L3MBTL2: variants seen among roughly 807,000 people sequenced by gnomAD.
L3MBTL2 encodes the protein lethal(3)malignant brain tumor-like protein 2.
In L3MBTL2, 49 loss-of-function variants were observed where a neutral mutation model predicts 86.4. That is an observed-to-expected ratio of 0.57 (90% CI 0.45 to 0.72). The LOEUF (loss-of-function observed/expected upper bound fraction) is 0.72, where lower values mean the gene tolerates loss of function less well. L3MBTL2 is among the 30% of genes least tolerant of loss of function. The pLI, the probability that L3MBTL2 is intolerant of heterozygous loss-of-function variation, is 0.00. For synonymous variants in L3MBTL2, 336 were observed against 350.6 expected, an observed-to-expected ratio of 0.96 and a Z score of 0.47; for missense variants, 755 against 923.7, an observed-to-expected ratio of 0.82 and a Z score of 2.37.
In L3MBTL2 at chr22:41,209,919, G is replaced by A. The variant is rs1335050767; in HGVS notation, c.248G>A (p.Ser83Asn). ...SPGTPRSLDGSGSEPAVCEMC... is the reference protein window; with the variant it reads ...SPGTPRSLDGNGSEPAVCEMC... ...GGGACTCCTCGCTCCTTGGATGGCA[G>A]TGGTTCTGAGCCAGGTGCCTTCAGA... The change falls in exon 2 of 17, where the codon AGT becomes AAT. Residue 83 changes from serine (S) to asparagine (N), a missense_variant. Transcript: ENST00000216237. 5.0e-6 allele frequency: 8 copies of A among 1,613,706 alleles called. No homozygotes were observed. In the East Asian group the frequency reaches 1.1e-4, roughly 22 times the overall value.
chr22:41,224,920 TCCTC>T lies in L3MBTL2; in HGVS notation c.1252-45_1252-42del. On this transcript the variant is annotated intron_variant, in intron 10 of 16. Coordinates refer to ENST00000216237, the MANE Select transcript of L3MBTL2 (RefSeq NM_031488.5). The surrounding 1 kb of genome is among the most constrained non-coding windows in gnomAD (Gnocchi z 4.9). Reference sequence around the variant, plus strand: ...TCCTGAGGCCTGCTTCCCTCACCCTTCCTCCTGGCCTGCCCAGGGAGTCCCCAGC... The same window carrying T: ...TCCTGAGGCCTGCTTCCCTCACCCTTCTGGCCTGCCCAGGGAGTCCCCAGC... 6.3e-7 allele frequency: 1 copy of T among 1,583,490 alleles called. No homozygotes were observed. The highest frequency in any genetic ancestry group is 8.7e-7 in the Non-Finnish European group (1 of 1,153,746).
At chr22:41,228,469 A>G (rs914270784) in intron 15 of L3MBTL2, 8 of 985,438 alleles carry the variant, frequency 8.1e-6, no homozygotes, top group African/African-American at 1.7e-5. Context: ...CCGCAGGCCT[A>G]TGACAGCGAG....
chr22:41,219,507 A>G lies in L3MBTL2; in HGVS notation c.689A>G (p.Tyr230Cys), dbSNP rs758501551. ...GATGCTGTGCTCCCCAGCCGGGTGT[A>G]CTGGATCGCCTCTGTCATCCAGACA... ...NSDAVLPSRV[Y>C]WIASVIQTAG... The change falls in exon 6 of 17, where the codon TAC becomes TGC. Residue 230 changes from tyrosine (Y) to cysteine (C), a missense_variant. Tyr to Cys is a radical substitution (Grantham distance 194). Coordinates refer to ENST00000216237, the MANE Select transcript of L3MBTL2 (RefSeq NM_031488.5). 6.2e-7 allele frequency: 1 copy of G among 1,613,752 alleles called. No individual in the cohort carries two copies. Among genetic ancestry groups the G allele is most frequent in the South Asian group, 1.1e-5 (1 of 91,078 alleles).
chr22:41,213,431 T>G (rs1475516140), intron 2 of L3MBTL2, among the ~76,000 whole-genome samples: 1 of 149,800 alleles, frequency 6.7e-6, no homozygotes, highest in Non-Finnish European at 1.5e-5. Context: ...GCTCAGGCAG[T>G]TTCCCCCCGC....
intron 8 of L3MBTL2, among the ~76,000 whole-genome samples, chr22:41,222,869 T>G (rs528500840): frequency 5.3e-5 from 8 of 152,104 alleles, no homozygotes; most frequent in Admixed American, 4.6e-4. Flanking sequence ...TGCAGTGAGC[T>G]GAGATCGTGC....
intron 3 of L3MBTL2, 47 bp from the exon 4 acceptor site, chr22:41,216,092 A>G: frequency 1.3e-6 from 2 of 1,570,362 alleles, no homozygotes; most frequent in Non-Finnish European, 1.7e-6. Context: ...ATCCAGACTC[A>G]TGATCCCAGC....
chr22:41,223,182 T>C (rs2031949858), intron 8 of L3MBTL2, among the ~76,000 whole-genome samples: 1 of 152,214 alleles, frequency 6.6e-6, no homozygotes, highest in Non-Finnish European at 1.5e-5. Flanking sequence ...CAGCTTTGCC[T>C]GTTGGCTGCT....
chr22:41,205,323 G>T lies in L3MBTL2; in HGVS notation c.-40G>T. The T allele has an allele frequency of 6.2e-7, 1 of 1,613,662 alleles. No homozygotes were observed. Among genetic ancestry groups the T allele is most frequent in the Non-Finnish European group, 8.5e-7 (1 of 1,179,596 alleles). ...GAGAGCGACGGGGCAGGCCAATATG[G>T]CTTCCTGCACCTGGTGACGCTTGGC... On this transcript the variant is annotated 5_prime_UTR_variant, in exon 1 of 17. Coordinates refer to ENST00000216237, the MANE Select transcript of L3MBTL2 (RefSeq NM_031488.5).
chr22:41,207,980 C>T lies in L3MBTL2; in HGVS notation c.25-1716C>T, dbSNP rs184408128. On this transcript the variant is annotated intron_variant, in intron 1 of 16. Transcript: ENST00000216237. ...CCGAGTAGCTGGGATTTCAGGCACCCACCATCATGCCCAGCTATTTTTTGT... is the reference window on the plus strand; with the variant it reads ...CCGAGTAGCTGGGATTTCAGGCACCTACCATCATGCCCAGCTATTTTTTGT... Among the ~76,000 whole-genome samples, 321 of 151,964 alleles carry T rather than the reference C, an allele frequency of 2.1e-3. 1 individual carries two copies. Among genetic ancestry groups the T allele is most frequent in the African/African-American group, 7.5e-3 (310 of 41,450 alleles).
chr22:41,215,668 C>CTATGTGGACCCTCTCCCGAACATTCGCT (rs2031286785), intron 3 of L3MBTL2, among the ~76,000 whole-genome samples: 1 of 152,052 alleles, frequency 6.6e-6, no homozygotes, highest in Non-Finnish European at 1.5e-5. Flanking sequence ...GAACATTCGC[C>CTATGTGGACCCTCTCCCGAACATTCGCT]TATGTGGACC....
At chr22:41,219,558 G>A in intron 6 of L3MBTL2, 22 bp downstream of exon 6, 1 of 1,484,066 alleles carries the variant, frequency 6.7e-7, no homozygotes, top group East Asian at 2.3e-5. Context: ...GCCAGGGCAG[G>A]GCCAGGGATG....
rs901984580 is a variant in L3MBTL2, at chr22:41,227,447, A to G, written c.1822+124A>G. 6.3e-5 allele frequency: 75 copies of G among 1,198,142 alleles called. No individual in the cohort carries two copies. The Admixed American group carries it at 1.5e-3, about 24-fold the overall frequency. 74.2% of individuals were successfully genotyped at this position (1,198,142 alleles called of 1,614,324 possible). A position where few individuals can be genotyped will look rare whatever the true frequency, so the allele number is the denominator to read the frequency against. ...GTGGAGATGTCTCATGGACCACTTT[A>G]AGTAGAGAGTGAGCCCCGTCACCCA... On this transcript the variant is annotated intron_variant, in intron 14 of 16. Transcript: ENST00000216237. The surrounding 1 kb of genome is among the most constrained non-coding windows in gnomAD (Gnocchi z 6.0).
At chr22:41,229,817 GAC>G in intron 16 of L3MBTL2, 161 bp downstream of exon 16, 5 of 1,227,494 alleles carry the variant, frequency 4.1e-6, no homozygotes, top group Non-Finnish European at 4.7e-6. Flanking sequence ...GTGTTTCCCA[GAC>G]ACGCCCCCAA....
At position 41,210,065 on chromosome 22, in the gene L3MBTL2, G is replaced by A. The variant is rs181166275; in HGVS notation, c.262+132G>A. 2,833 of 1,201,096 alleles carry A rather than the reference G, an allele frequency of 2.4e-3. 73 individuals carry two copies. In the Admixed American group the frequency reaches 0.059, roughly 25 times the overall value. 74.4% of individuals were successfully genotyped at this position (1,201,096 alleles called of 1,614,324 possible). ...ATTAACTCTGATTTCTAAGGGATCAGATGTGTAAGGACCTGTAAGGGAGAC... is the reference window on the plus strand; with the variant it reads ...ATTAACTCTGATTTCTAAGGGATCAAATGTGTAAGGACCTGTAAGGGAGAC... On this transcript the variant is annotated intron_variant, in intron 2 of 16. Coordinates refer to ENST00000216237, the MANE Select transcript of L3MBTL2 (RefSeq NM_031488.5).
chr22:41,221,479 C>T (rs1364918066), intron 8 of L3MBTL2, 192 bp downstream of exon 8: 1 of 597,592 alleles, frequency 1.7e-6, no homozygotes, highest in Non-Finnish European at 3.1e-6. Flanking sequence ...TGGCGTCGGC[C>T]ACTGCCCCAC....
At position 41,209,847 on chromosome 22, in the gene L3MBTL2, G is replaced by A. The variant is rs200847631; in HGVS notation, c.176G>A (p.Arg59Gln). ...EESSEAENED[R>Q]EAGELPTSPL... is the part of the protein sequence containing the mutation. ...TCAAGTGAAGCAGAAAATGAGGATC[G>A]GGAAGCAGGGGAACTGCCGACCTCC... Residue 59 changes from arginine to glutamine, a missense_variant, in exon 2 of 17, where the codon CGG becomes CAG. Arg to Gln is a conservative substitution (Grantham distance 43). Around this residue, in one of 3 missense-constraint regions of L3MBTL2, gnomAD observed 103 missense variants for 105.2 expected, o/e 0.98. Transcript: ENST00000216237. The A allele has an allele frequency of 7.8e-5, 126 of 1,614,166 alleles. No individual in the cohort carries two copies. The highest frequency in any genetic ancestry group is 9.5e-5 in the Non-Finnish European group (112 of 1,180,034).
chr22:41,213,810 GC>G, intron 2 of L3MBTL2, 82 bp from the exon 3 acceptor site: 1 of 1,495,608 alleles, frequency 6.7e-7, no homozygotes, highest in Non-Finnish European at 9.2e-7. Context: ...TTAATGCAGT[GC>G]CCCAGGTTTT....
At chr22:41,210,066 A>AT (rs1231858943) in intron 2 of L3MBTL2, 133 bp downstream of exon 2, 11 of 1,165,588 alleles carry the variant, frequency 9.4e-6, no homozygotes, top group Non-Finnish European at 1.3e-5. Context: ...AAGGGATCAG[A>AT]TGTGTAAGGA....
intron 15 of L3MBTL2, chr22:41,228,159 G>A: frequency 1.0e-6 from 1 of 985,456 alleles, no homozygotes; most frequent in Non-Finnish European, 1.2e-6. Context: ...TCCCATCCCT[G>A]ATGCCCCATG....
Sources: gnomAD v4.1 joint callset for allele counts (sites outside exome capture counted in the v4.1 genomes callset) on GRCh38, gnomAD v4.1.1 for gene constraint, gnomAD v4.1.1 regional missense constraint, Gnocchi (gnomAD v3.1) non-coding constraint, MANE v1.5 for transcripts, NCBI Gene and HGNC (gene_info 2026-07-23, HGNC 2026-07-21) for gene names.